Variants in KCNH8 observed in about 807,000 individuals in gnomAD.
The protein encoded by KCNH8 is potassium voltage-gated channel subfamily H member 8, also known as voltage-gated delayed rectifier potassium channel KCNH8.
A neutral mutation model predicts 103.6 loss-of-function variants in KCNH8; 70 were observed. The ratio of observed to expected loss-of-function variants is 0.68; its 90% CI spans 0.56 to 0.82. KCNH8 has a LOEUF of 0.82. Ranked by LOEUF, KCNH8 falls within the 40% of genes least tolerant of loss-of-function variation. KCNH8 has a pLI of 0.00. For missense variants in KCNH8, 1,217 were observed against 1,329.9 expected, an observed-to-expected ratio of 0.92 and a Z score of 1.32; for synonymous variants, 498 against 489.4, an observed-to-expected ratio of 1.02 and a Z score of -0.23.
chr3:19,240,823 CT>C (rs35974162), intron 1 of KCNH8, among the ~76,000 whole-genome samples: 6 of 151,830 alleles, frequency 4.0e-5, no homozygotes, highest in East Asian at 1.9e-4. Flanking sequence ...TCTTGAACTC[CT>C]TTTTTTTCCC....
chr3:19,513,714 A>AAATT (rs2125243172), intron 13 of KCNH8, among the ~76,000 whole-genome samples: 2 of 152,292 alleles, frequency 1.3e-5, no homozygotes, highest in East Asian at 3.9e-4. Context: ...CAATGAGTTG[A>AAATT]AATTAGGAAG....
intron 3 of KCNH8, among the ~76,000 whole-genome samples, chr3:19,306,360 C>A (rs966600939): frequency 6.6e-6 from 1 of 152,046 alleles, no homozygotes; most frequent in Non-Finnish European, 1.5e-5. Flanking sequence ...TAGGAAAAAA[C>A]AACCTATTAC....
intron 2 of KCNH8, among the ~76,000 whole-genome samples, chr3:19,279,767 A>C (rs1211418150): frequency 1.3e-5 from 2 of 152,118 alleles, no homozygotes; most frequent in African/African-American, 4.8e-5. Flanking sequence ...AATATAAATT[A>C]GTGGCTTCAC....
intron 5 of KCNH8, among the ~76,000 whole-genome samples, chr3:19,372,622 G>A (rs1444067429): frequency 6.6e-6 from 1 of 152,000 alleles, no homozygotes; most frequent in Non-Finnish European, 1.5e-5. Context: ...CTGCCTAATT[G>A]CCCTGGCCAG....
At position 19,314,688 on chromosome 3, in the gene KCNH8, G is replaced by A. The variant is rs545662398; in HGVS notation, c.443-27899G>A. On this transcript the variant is annotated intron_variant, in intron 3 of 15. Coordinates refer to ENST00000328405, the MANE Select transcript of KCNH8 (RefSeq NM_144633.3). ...AAACAAATGCATGTGGCTATGTTCT[G>A]TACAACTTTATTTGCTGAAACAGGT... Among the ~76,000 whole-genome samples, 360 of 152,102 alleles carry A rather than the reference G, an allele frequency of 2.4e-3. 5 individuals carry two copies. The highest frequency in any genetic ancestry group is 8.2e-3 in the African/African-American group (339 of 41,542).
At chr3:19,423,552 C>T (rs746762865) in intron 7 of KCNH8, among the ~76,000 whole-genome samples, 1 of 152,032 alleles carries the variant, frequency 6.6e-6, no homozygotes, top group African/African-American at 2.4e-5. Flanking sequence ...TGAGTTACTT[C>T]ATTTAGAGTA....
At chr3:19,211,024 C>T (rs953308140) in intron 1 of KCNH8, among the ~76,000 whole-genome samples, 3 of 152,148 alleles carry the variant, frequency 2.0e-5, no homozygotes, top group Non-Finnish European at 4.4e-5. Flanking sequence ...TAGGTTGTTT[C>T]AGTTCTCCTA....
chr3:19,341,310 G>T (rs1232812254), intron 3 of KCNH8, among the ~76,000 whole-genome samples: 1 of 152,064 alleles, frequency 6.6e-6, no homozygotes, highest in Non-Finnish European at 1.5e-5. Flanking sequence ...ACCAGCTCAG[G>T]TGTTTTCTAT....
chr3:19,477,545 T>C (rs1166525603), intron 11 of KCNH8, among the ~76,000 whole-genome samples: 1 of 151,662 alleles, frequency 6.6e-6, no homozygotes, highest in African/African-American at 2.4e-5. Context: ...TCTGGAGAAA[T>C]GAGAGACCTG....
chr3:19,278,458 GAAGGA>G (rs1462870452), intron 2 of KCNH8, among the ~76,000 whole-genome samples: 2 of 125,036 alleles, frequency 1.6e-5, no homozygotes, highest in Admixed American at 8.7e-5. Flanking sequence ...AGGCAGGAAG[GAAGGA>G]AAGGGAAGGG....
At chr3:19,353,910 A>AGG (rs1381272378) in intron 5 of KCNH8, among the ~76,000 whole-genome samples, 1 of 152,180 alleles carries the variant, frequency 6.6e-6, no homozygotes, top group Non-Finnish European at 1.5e-5. Flanking sequence ...AAAGAAATAA[A>AGG]GGGTATTCAG....
intron 8 of KCNH8, among the ~76,000 whole-genome samples, chr3:19,447,434 A>G (rs957628133): frequency 2.6e-5 from 4 of 152,084 alleles, no homozygotes; most frequent in Admixed American, 2.6e-4. Flanking sequence ...TAATCTGAAC[A>G]TATTACTTCT....
intron 5 of KCNH8, among the ~76,000 whole-genome samples, chr3:19,349,471 T>C (rs1267237543): frequency 6.6e-6 from 1 of 152,118 alleles, no homozygotes; most frequent in Non-Finnish European, 1.5e-5. Flanking sequence ...CTTCGTTTTT[T>C]GTAGTAGTGA....
At chr3:19,451,525 G>C in intron 10 of KCNH8, 121 bp downstream of exon 10, 1 of 857,166 alleles carries the variant, frequency 1.2e-6, no homozygotes, top group Admixed American at 2.4e-5. Context: ...ATGAACTCAG[G>C]AGTATTCCTC....
intron 11 of KCNH8, among the ~76,000 whole-genome samples, chr3:19,462,337 A>C (rs2067648135): frequency 6.6e-6 from 1 of 152,174 alleles, no homozygotes; most frequent in African/African-American, 2.4e-5. Context: ...TGCCATTCTA[A>C]CTGGTGTGAG....
chr3:19,151,697 A>G (rs1056620276), intron 1 of KCNH8, among the ~76,000 whole-genome samples: 1 of 152,030 alleles, frequency 6.6e-6, no homozygotes, highest in African/African-American at 2.4e-5. Context: ...TTAATAATAC[A>G]TTTTATAACT....
intron 7 of KCNH8, among the ~76,000 whole-genome samples, chr3:19,418,399 A>G (rs992442317): frequency 9.2e-5 from 14 of 152,384 alleles, no homozygotes; most frequent in Admixed American, 3.3e-4. Flanking sequence ...GAAAGAACTA[A>G]TCATGACCTA....
intron 5 of KCNH8, among the ~76,000 whole-genome samples, chr3:19,381,248 A>G (rs1284853632): frequency 6.6e-6 from 1 of 152,000 alleles, no homozygotes; most frequent in Non-Finnish European, 1.5e-5. Flanking sequence ...ATATATGATC[A>G]TGAACACCTG....
chr3:19,275,571 GA>G (rs1363974192), intron 2 of KCNH8, among the ~76,000 whole-genome samples: 2 of 152,128 alleles, frequency 1.3e-5, no homozygotes, highest in Non-Finnish European at 2.9e-5. Context: ...GTCCCTGGAA[GA>G]AATGTTCACT....
Sources: gnomAD v4.1 joint callset for allele counts (sites outside exome capture counted in the v4.1 genomes callset) on GRCh38, gnomAD v4.1.1 for gene constraint, MANE v1.5 for transcripts, NCBI Gene and HGNC (gene_info 2026-07-23, HGNC 2026-07-21) for gene names.